Variants in MUC7 observed in about 807,000 individuals in gnomAD.
MUC7 encodes the protein mucin 7, secreted.
A neutral mutation model predicts 2.5 loss-of-function variants in MUC7; 2 were observed. That is an observed-to-expected ratio of 0.81 (90% confidence interval 0.33 to 2.55). The LOEUF (loss-of-function observed/expected upper bound fraction) is 2.55, where lower values mean the gene tolerates loss of function less well. MUC7 is among the 30% of genes most tolerant of loss of function. The pLI is 0.11. For synonymous variants in MUC7, 133 were observed against 173.4 expected (o/e 0.77, Z 1.83); for missense variants, 408 against 455.6 (o/e 0.90, Z 0.95).
At chr4:70,473,926 T>C (rs1004616950) in intron 1 of MUC7, 81 bp from the exon 2 acceptor site, 6 of 1,033,210 alleles carry the variant, frequency 5.8e-6, no homozygotes, top group Non-Finnish European at 8.8e-6. Context: ...TACTTTCTAA[T>C]AAAAATAAGT....
intron 1 of MUC7, among the ~76,000 whole-genome samples, chr4:70,442,271 G>A (rs531555332): frequency 2.0e-5 from 3 of 152,238 alleles, no homozygotes; most frequent in Non-Finnish European, 4.4e-5. Context: ...AGTAATACAA[G>A]TGTATTGTAG....
chr4:70,449,522 G>A (rs1001117411), intron 1 of MUC7, among the ~76,000 whole-genome samples: 2 of 152,282 alleles, frequency 1.3e-5, no homozygotes, highest in South Asian at 4.1e-4. Context: ...TCCAATTCAA[G>A]ACAATATTTG....
At chr4:70,438,079 C>G (rs1159974105) in intron 1 of MUC7, among the ~76,000 whole-genome samples, 2 of 152,110 alleles carry the variant, frequency 1.3e-5, no homozygotes, top group African/African-American at 4.8e-5. Context: ...CAGCACTATC[C>G]CTTCTATCTG....
chr4:70,468,207 C>T (rs1476564198), upstream of MUC7, among the ~76,000 whole-genome samples: 3 of 152,016 alleles, frequency 2.0e-5, no homozygotes, highest in East Asian at 3.8e-4. Flanking sequence ...AATTAAACAC[C>T]CCTTCATGCT....
intron 1 of MUC7, among the ~76,000 whole-genome samples, chr4:70,437,922 A>G (rs891264239): frequency 2.0e-5 from 3 of 152,214 alleles, no homozygotes; most frequent in Non-Finnish European, 4.4e-5. Flanking sequence ...GGAAAGGTTC[A>G]TGAAGAAAAT....
chr4:70,473,957 T>G, intron 1 of MUC7, 50 bp from the exon 2 acceptor site: 1 of 1,308,716 alleles, frequency 7.6e-7, no homozygotes. Flanking sequence ...AACGCATTCC[T>G]CTCCCATAAT....
chr4:70,456,495 A>G (rs1206597919), intron 1 of MUC7, among the ~76,000 whole-genome samples: 1 of 152,188 alleles, frequency 6.6e-6, no homozygotes, highest in Non-Finnish European at 1.5e-5. Context: ...GAAATTTACA[A>G]TCATGGCTGA....
chr4:70,434,841 T>C (rs1277543906), intron 1 of MUC7, among the ~76,000 whole-genome samples: 3 of 152,192 alleles, frequency 2.0e-5, no homozygotes, highest in Admixed American at 2.0e-4. Context: ...CTTGTGGGCA[T>C]TTAGTGCTAT....
intron 1 of MUC7, among the ~76,000 whole-genome samples, chr4:70,444,415 G>A (rs895648559): frequency 6.6e-6 from 1 of 152,080 alleles, no homozygotes; most frequent in Admixed American, 6.5e-5. Flanking sequence ...CTACCACATT[G>A]AGAGTGACCA....
intron 1 of MUC7, among the ~76,000 whole-genome samples, chr4:70,455,151 A>G (rs1734381760): frequency 6.6e-6 from 1 of 152,022 alleles, no homozygotes; most frequent in Non-Finnish European, 1.5e-5. Flanking sequence ...TTCTATGAAA[A>G]CACTAATTCT....
rs191093327 is a variant in MUC7, at chr4:70,437,899, C to T, written c.-93+7212C>T. ...CTTTTAAAAAAATCTATTCTTTACC[C>T]TCACTAAGTCCTGGAAAGGTTCATG... On this transcript the variant is annotated intron_variant, in intron 1 of 3. Coordinates refer to the MUC7 transcript ENST00000413702. Among the ~76,000 whole-genome samples the T allele has an allele frequency of 4.5e-3, 687 of 152,246 alleles. 6 individuals are homozygous for T. Among genetic ancestry groups the T allele is most frequent in the African/African-American group, 0.016 (663 of 41,542 alleles).
intron 1 of MUC7, among the ~76,000 whole-genome samples, chr4:70,432,479 G>T (rs939684615): frequency 3.3e-5 from 5 of 152,186 alleles, no homozygotes; most frequent in South Asian, 2.1e-4. Context: ...GTTTTGATTT[G>T]CATTTCTCTG....
At chr4:70,449,657 A>G (rs1734231878) in intron 1 of MUC7, among the ~76,000 whole-genome samples, 1 of 152,188 alleles carries the variant, frequency 6.6e-6, no homozygotes, top group Non-Finnish European at 1.5e-5. Flanking sequence ...CATATGCTTT[A>G]GTGGGCACCG....
chr4:70,452,502 C>A (rs973277052), intron 1 of MUC7, among the ~76,000 whole-genome samples: 1 of 151,742 alleles, frequency 6.6e-6, no homozygotes, highest in African/African-American at 2.4e-5. Flanking sequence ...GACAACTTAA[C>A]CCTGATTCCA....
At chr4:70,435,539 G>C (rs1051077094) in intron 1 of MUC7, among the ~76,000 whole-genome samples, 4 of 152,042 alleles carry the variant, frequency 2.6e-5, no homozygotes, top group African/African-American at 7.2e-5. Context: ...GCTTTTTCTT[G>C]CTTTCCATTT....
intron 2 of MUC7, 63 bp from the exon 3 acceptor site, chr4:70,480,736 G>T (rs542087820): frequency 7.8e-6 from 12 of 1,545,672 alleles, no homozygotes; most frequent in Non-Finnish European, 1.1e-5. Context: ...ATGGTCAGCA[G>T]TGATCACCTG....
intron 1 of MUC7, among the ~76,000 whole-genome samples, chr4:70,454,835 T>C (rs368802008): frequency 6.6e-6 from 1 of 152,316 alleles, no homozygotes; most frequent in South Asian, 2.1e-4. Context: ...TTAGAGACTC[T>C]AACAATGCAT....
At chr4:70,480,350 GA>G (rs1735129378) in intron 2 of MUC7, among the ~76,000 whole-genome samples, 1 of 152,146 alleles carries the variant, frequency 6.6e-6, no homozygotes, top group African/African-American at 2.4e-5. Flanking sequence ...TTCGTATTTT[GA>G]TGATGGTAGA....
intron 1 of MUC7, among the ~76,000 whole-genome samples, chr4:70,443,038 C>T (rs1159667464): frequency 6.6e-6 from 1 of 152,188 alleles, no homozygotes; most frequent in Non-Finnish European, 1.5e-5. Flanking sequence ...CATCCCCAAA[C>T]TCATGTGAAC....
Sources: allele counts gnomAD v4.1 joint callset (sites outside exome capture counted in the v4.1 genomes callset), GRCh38; gene constraint gnomAD v4.1.1; transcripts MANE v1.5; gene names NCBI Gene and HGNC (gene_info 2026-07-23, HGNC 2026-07-21).